Variants in ESR1 observed in about 807,000 individuals in gnomAD.
The protein encoded by ESR1 is estrogen receptor 1, also known as estrogen receptor.
Under a neutral mutation model 52.7 loss-of-function variants are expected in ESR1, and 12 were observed. That is an observed-to-expected ratio of 0.23 (90% confidence interval 0.15 to 0.37). ESR1 has a LOEUF of 0.37. Ranked by LOEUF, ESR1 falls within the 10% of genes least tolerant of loss-of-function variation. The probability of loss-of-function intolerance (pLI) is 1.00; values close to 1 mark genes in which losing one functional copy is unlikely to be tolerated. For synonymous variants in ESR1, 305 were observed against 316.8 expected (o/e 0.96, Z 0.39); for missense variants, 584 against 779.7 (o/e 0.75, Z 2.99).
rs190757066 is a variant in ESR1, at chr6:152,031,493, A to G, written c.1235+19699A>G. Among the ~76,000 whole-genome samples the G allele has an allele frequency of 3.6e-3, 553 of 152,336 alleles. 4 individuals carry two copies. The highest frequency in any genetic ancestry group is 0.013 in the African/African-American group (527 of 41,566). On this transcript the variant is annotated intron_variant, in intron 5 of 7. Transcript: ENST00000206249. The stretch of plus-strand genomic sequence containing the variant: ...TCCCACAGAAATACAAACTACCATC[A>G]GAGAATACTATAAACACCTCTACAC...
intron 5 of ESR1, among the ~76,000 whole-genome samples, chr6:152,038,440 G>T (rs900486985): frequency 5.2e-4 from 79 of 152,182 alleles, no homozygotes; most frequent in African/African-American, 1.9e-3. Context: ...ACCATCACAA[G>T]TCCACACCTT....
intron 3 of ESR1, among the ~76,000 whole-genome samples, chr6:151,897,269 T>A (rs1431099135): frequency 6.6e-6 from 1 of 152,224 alleles, no homozygotes; most frequent in Non-Finnish European, 1.5e-5. Context: ...TCTAGTATTG[T>A]CAGTGGAGTA....
chr6:151,726,437 T>C (rs1781846939), intron 2 of ESR1, among the ~76,000 whole-genome samples: 1 of 152,128 alleles, frequency 6.6e-6, no homozygotes, highest in South Asian at 2.1e-4. Flanking sequence ...GTTCACACCA[T>C]TCTCCTGCCT....
intron 1 of ESR1, among the ~76,000 whole-genome samples, chr6:151,697,419 C>T (rs910469778): frequency 1.3e-5 from 2 of 152,140 alleles, no homozygotes; most frequent in Non-Finnish European, 2.9e-5. Flanking sequence ...GTAAAATGGG[C>T]ATAACAACTA....
Position 152,121,698 on chromosome 6 carries a change from A to T in ESR1, c.851-3568A>T, listed in dbSNP as rs187904686. ...AAGCACAGACAAACTATTTTATAATATCTATAATAAATGCAAAGAAATCAA... is the reference window on the plus strand; with the variant it reads ...AAGCACAGACAAACTATTTTATAATTTCTATAATAAATGCAAAGAAATCAA... On this transcript the variant is annotated intron_variant, in intron 6 of 6. Coordinates refer to the ESR1 transcript ENST00000427531. 7.9e-5 allele frequency: 12 copies of T among 152,796 alleles called. No homozygotes were observed. The East Asian group carries it at 2.3e-3, about 29-fold the overall frequency. 9.5% of individuals were successfully genotyped at this position (152,796 alleles called of 1,614,324 possible).
chr6:151,736,375 G>GTTCTTTTTTTTTTTTTTTTT lies in ESR1; in HGVS notation c.-71+34372_-71+34373insCTTTTTTTTTTTTTTTTTTT, dbSNP rs748276035. On this transcript the variant is annotated intron_variant, in intron 2 of 2. Transcript: ENST00000404742. ...AAATACTTACTGTATTCCAGGTAGTGTTTTTTTTTTTTTTTGAGATGGAGT... is the reference window on the plus strand; with the variant it reads ...AAATACTTACTGTATTCCAGGTAGTGTTCTTTTTTTTTTTTTTTTTTTTTTTTTTTTTTTTGAGATGGAGT... Among the ~76,000 whole-genome samples, 38 of 112,700 alleles carry GTTCTTTTTTTTTTTTTTTTT rather than the reference G, an allele frequency of 3.4e-4. 4 individuals carry two copies. The highest frequency in any genetic ancestry group is 6.5e-4 in the African/African-American group (17 of 26,172). The allele number at this position is 112,700 out of a possible 152,430, so 73.9% of individuals were successfully genotyped here. A position where few individuals can be genotyped will look rare whatever the true frequency, so the allele number is the denominator to read the frequency against.
At position 151,842,739 on chromosome 6, in the gene ESR1, G is replaced by A. The variant is rs776069453; in HGVS notation, c.595G>A (p.Val199Ile). The A allele has an allele frequency of 5.2e-5, 84 of 1,613,878 alleles. No homozygotes were observed. Among genetic ancestry groups the A allele is most frequent in the Non-Finnish European group, 6.9e-5 (81 of 1,179,920 alleles). ...NDYASGYHYG[V>I]WSCEGCKAFF... Reference sequence around the variant, plus strand: ...CTATGCTTCAGGCTACCATTATGGAGTCTGGTCCTGTGAGGGCTGCAAGGC... The same window carrying A: ...CTATGCTTCAGGCTACCATTATGGAATCTGGTCCTGTGAGGGCTGCAAGGC... Residue 199 changes from valine (V) to isoleucine (I), a missense_variant, in exon 2 of 8, where the codon GTC becomes ATC. Around this residue, in one of 6 missense-constraint regions of ESR1, gnomAD observed 8 missense variants for 36.9 expected, o/e 0.22. Transcript: ENST00000206249.
chr6:151,998,003 G>A (rs932503456), intron 4 of ESR1, among the ~76,000 whole-genome samples: 1 of 152,030 alleles, frequency 6.6e-6, no homozygotes, highest in South Asian at 2.1e-4. Context: ...TCCTCTATAC[G>A]TTAGCTTTTG....
chr6:151,860,976 T>C (rs997347540), intron 2 of ESR1, among the ~76,000 whole-genome samples: 2 of 152,172 alleles, frequency 1.3e-5, no homozygotes, highest in Non-Finnish European at 2.9e-5. Context: ...AATATACAGT[T>C]TCTTAGCAAT....
intron 5 of ESR1, among the ~76,000 whole-genome samples, chr6:152,060,432 T>A (rs2047456020): frequency 6.6e-6 from 1 of 152,110 alleles, no homozygotes; most frequent in Non-Finnish European, 1.5e-5. Context: ...AAGCGTCCAC[T>A]CGAATGCCAC....
At chr6:151,673,416 T>C (rs901366665) in intron 1 of ESR1, among the ~76,000 whole-genome samples, 3 of 152,220 alleles carry the variant, frequency 2.0e-5, no homozygotes, top group Non-Finnish European at 4.4e-5. Flanking sequence ...ATAATCTCTC[T>C]ATCTTGTTTG....
chr6:151,736,001 AT>A (rs1782627309), intron 2 of ESR1, among the ~76,000 whole-genome samples: 1 of 152,078 alleles, frequency 6.6e-6, no homozygotes, highest in African/African-American at 2.4e-5. Flanking sequence ...TTCTGCCATA[AT>A]TGTAAGTTTC....
intron 5 of ESR1, among the ~76,000 whole-genome samples, chr6:152,046,371 G>C (rs1158339051): frequency 2.0e-5 from 3 of 152,186 alleles, no homozygotes; most frequent in Non-Finnish European, 4.4e-5. Context: ...GCTACCTATT[G>C]CTGCACAGTG....
intron 3 of ESR1, among the ~76,000 whole-genome samples, chr6:151,899,056 G>A (rs1796059579): frequency 6.7e-6 from 1 of 148,620 alleles, no homozygotes; most frequent in Non-Finnish European, 1.5e-5. Flanking sequence ...TCCCGGACGG[G>A]GCGGCTGGCC....
intron 1 of ESR1, among the ~76,000 whole-genome samples, chr6:151,831,595 C>T (rs1206324391): frequency 6.6e-6 from 1 of 152,186 alleles, no homozygotes; most frequent in Non-Finnish European, 1.5e-5. Context: ...GGAGCCCAGG[C>T]TCTGGGGTCA....
chr6:151,664,291 A>T (rs1777742097), intron 1 of ESR1, among the ~76,000 whole-genome samples: 1 of 152,248 alleles, frequency 6.6e-6, no homozygotes, highest in African/African-American at 2.4e-5. Flanking sequence ...GTAAAAGCAG[A>T]TAAACAAGGA....
intron 3 of ESR1, among the ~76,000 whole-genome samples, chr6:151,885,606 TG>T (rs1793708968): frequency 6.6e-6 from 1 of 152,228 alleles, no homozygotes; most frequent in African/African-American, 2.4e-5. Flanking sequence ...GGCTTACGCC[TG>T]TAATCCCAGC....
In ESR1 at chr6:151,808,119, C is replaced by T. The variant is rs146586199; in HGVS notation, c.207C>T (p.Asn69=). 3.8e-4 allele frequency: 613 copies of T among 1,610,764 alleles called. No homozygotes were observed. Among genetic ancestry groups the T allele is most frequent in the Non-Finnish European group, 3.8e-4 (453 of 1,179,046 alleles). Residue 69 remains asparagine, a synonymous_variant, in exon 1 of 8, where the codon AAC becomes AAT. Coordinates refer to ENST00000206249, the MANE Select transcript of ESR1 (RefSeq NM_000125.4). ...AYEFNAAAAA[N]AQVYGQTGLP... ...AGTTCAACGCCGCGGCCGCCGCCAA[C>T]GCGCAGGTCTACGGTCAGACCGGCC...
chr6:151,849,025 T>A (rs915721845), intron 2 of ESR1, among the ~76,000 whole-genome samples: 2 of 152,136 alleles, frequency 1.3e-5, no homozygotes, highest in Middle Eastern at 3.2e-3. Context: ...TGGTTCCCTT[T>A]TTCCCTTTGC....
Sources: gnomAD v4.1 joint callset for allele counts (sites outside exome capture counted in the v4.1 genomes callset) on GRCh38, gnomAD v4.1.1 for gene constraint, gnomAD v4.1.1 regional missense constraint, MANE v1.5 for transcripts, NCBI Gene and HGNC (gene_info 2026-07-23, HGNC 2026-07-21) for gene names.